The following SYNGR1 variants were observed in gnomAD, a reference collection of about 807,000 sequenced individuals.
SYNGR1 encodes the protein synaptogyrin 1, also known as synaptogyrin-1.
In SYNGR1, 14 loss-of-function variants were observed where a neutral mutation model predicts 26.1. That is an observed-to-expected ratio of 0.54 (90% CI 0.35 to 0.84). SYNGR1 has a LOEUF of 0.84. Among genes scored for constraint, SYNGR1 ranks in the 40% least tolerant of loss-of-function variants. SYNGR1 has a pLI of 0.01. For synonymous variants in SYNGR1, 141 were observed against 150.1 expected (o/e 0.94, Z 0.44); for missense variants, 319 against 332.9 (o/e 0.96, Z 0.33).
At chr22:39,370,373 A>G (rs1005924997) in intron 1 of SYNGR1, among the ~76,000 whole-genome samples, 19 of 151,348 alleles carry the variant, frequency 1.3e-4, no homozygotes, top group Admixed American at 1.1e-3. Context: ...CTCATGATCC[A>G]CCCGCCTCGG....
At position 39,376,104 on chromosome 22, in the gene SYNGR1, G is replaced by A. The variant is rs114560763; in HGVS notation, c.390G>A (p.Trp130Ter). The A allele has an allele frequency of 6.2e-7, 1 of 1,614,194 alleles. No homozygotes were observed. Among genetic ancestry groups the A allele is most frequent in the Non-Finnish European group, 8.5e-7 (1 of 1,180,040 alleles). The stretch of plus-strand genomic sequence containing the variant: ...GATTCTGCTACCTGGCCAACCAGTG[G>A]CAGGTCTCCAAGCCCAAGGACAACC... ...FVGFCYLANQ[W>*]QVSKPKDNPL... Residue 130 changes from tryptophan to a stop codon, truncating the protein, a stop_gained, in exon 3 of 4, where the codon TGG becomes TGA. Transcript: ENST00000328933. LOFTEE classifies it high-confidence loss of function.
intron 3 of SYNGR1, chr22:39,377,712 C>G: frequency 6.2e-7 from 1 of 1,611,022 alleles, no homozygotes; most frequent in Non-Finnish European, 8.5e-7. Context: ...TTGCAGAGGC[C>G]GGCAGCCCTG....
chr22:39,354,915 C>A (rs1045933225), intron 1 of SYNGR1, among the ~76,000 whole-genome samples: 4 of 151,960 alleles, frequency 2.6e-5, no homozygotes, highest in African/African-American at 9.7e-5. Flanking sequence ...CCTCCCCCAA[C>A]CAACTTGCCA....
chr22:39,376,675 G>C (rs79262580), intron 3 of SYNGR1, among the ~76,000 whole-genome samples: 1 of 152,160 alleles, frequency 6.6e-6, no homozygotes, highest in East Asian at 1.9e-4. Context: ...TAGGATCTGG[G>C]GGACACAGGT....
At chr22:39,358,788 C>T (rs1371281117) in intron 1 of SYNGR1, among the ~76,000 whole-genome samples, 1 of 152,154 alleles carries the variant, frequency 6.6e-6, no homozygotes, top group Non-Finnish European at 1.5e-5. Context: ...CAATTCCGGA[C>T]ACAAGAGCAG....
chr22:39,376,354 G>C (rs1925284105), intron 3 of SYNGR1, 157 bp downstream of exon 3: 3 of 1,298,850 alleles, frequency 2.3e-6, no homozygotes, highest in Admixed American at 3.6e-5. Context: ...CGCTCACAGT[G>C]GTGCTGCCTC....
chr22:39,356,387 T>C (rs117998464), intron 1 of SYNGR1, among the ~76,000 whole-genome samples: 2 of 152,292 alleles, frequency 1.3e-5, no homozygotes, highest in East Asian at 1.9e-4. Context: ...GCCGTAAGTC[T>C]GCTGTGGTGC....
rs1601671330 is a variant in SYNGR1, at chr22:39,384,771, G to A, written c.*2857G>A. On this transcript the variant is annotated 3_prime_UTR_variant, in exon 4 of 4. Transcript: ENST00000328933. The stretch of plus-strand genomic sequence containing the variant: ...CTCCTCCCCATCAAGCACAAGAGAG[G>A]GCCCAGGAAAAAAGGTTTCACATAA... 5.0e-6 allele frequency: 2 copies of A among 398,982 alleles called. No individual in the cohort carries two copies. Among genetic ancestry groups the A allele is most frequent in the Admixed American group, 4.4e-5 (1 of 22,706 alleles). The allele number at this position is 398,982 out of a possible 1,614,324, so 24.7% of individuals were successfully genotyped here.
chr22:39,379,861 C>T (rs1262065614), intron 3 of SYNGR1: 1 of 152,224 alleles, frequency 6.6e-6, no homozygotes, highest in Non-Finnish European at 1.5e-5. Context: ...AGCAGTAACT[C>T]TGCCACGGGC....
intron 1 of SYNGR1, among the ~76,000 whole-genome samples, chr22:39,360,440 A>T (rs1490625323): frequency 6.6e-6 from 1 of 152,098 alleles, no homozygotes; most frequent in Non-Finnish European, 1.5e-5. Flanking sequence ...CCATCTTCTC[A>T]GGCTCATTCC....
At chr22:39,376,338 C>T (rs1339818497) in intron 3 of SYNGR1, 141 bp downstream of exon 3, 11 of 1,406,810 alleles carry the variant, frequency 7.8e-6, no homozygotes, top group East Asian at 4.7e-5. Flanking sequence ...GCCTGCCTGT[C>T]TGCGGCGCTC....
intron 1 of SYNGR1, among the ~76,000 whole-genome samples, chr22:39,369,394 G>A (rs535679379): frequency 5.3e-5 from 8 of 152,234 alleles, no homozygotes; most frequent in African/African-American, 1.7e-4. Context: ...CTTCACAGGC[G>A]CTCCCCACTG....
intron 1 of SYNGR1, among the ~76,000 whole-genome samples, chr22:39,355,794 G>C (rs1403968291): frequency 1.3e-5 from 2 of 152,168 alleles, no homozygotes; most frequent in Non-Finnish European, 2.9e-5. Flanking sequence ...GAGGCAGGTG[G>C]ATCACCTGAG....
chr22:39,359,338 C>T (rs1924346036), intron 1 of SYNGR1, among the ~76,000 whole-genome samples: 1 of 152,060 alleles, frequency 6.6e-6, no homozygotes. Context: ...GATGCCCCCC[C>T]AGGCCGGGCA....
At chr22:39,376,737 C>T (rs555387292) in intron 3 of SYNGR1, among the ~76,000 whole-genome samples, 3 of 152,066 alleles carry the variant, frequency 2.0e-5, no homozygotes, top group East Asian at 3.9e-4. Context: ...CGTGAGCAGG[C>T]CGGGTGACAC....
intron 1 of SYNGR1, among the ~76,000 whole-genome samples, chr22:39,365,988 CTTTTTT>C (rs777416803): frequency 0.018 from 1,196 of 68,332 alleles, 11 homozygotes; most frequent in African/African-American, 0.047. Flanking sequence ...TCAGCCCCTT[CTTTTTT>C]TTTTTTTTTT....
chr22:39,372,748 C>A (rs1343723055), intron 1 of SYNGR1, among the ~76,000 whole-genome samples: 1 of 152,040 alleles, frequency 6.6e-6, no homozygotes, highest in Non-Finnish European at 1.5e-5. Flanking sequence ...GGATTACAGG[C>A]GTGAGCCACT....
At position 39,385,134 on chromosome 22, in the gene SYNGR1, A is replaced by G. The variant is rs1164618382; in HGVS notation, c.*3220A>G. The stretch of plus-strand genomic sequence containing the variant: ...GGGAGACCCCTAACCTTGGCCCAAG[A>G]CCCCTTTGATTCTCTAAGGAGCACG... On this transcript the variant is annotated 3_prime_UTR_variant, in exon 4 of 4. Coordinates refer to ENST00000328933, the MANE Select transcript of SYNGR1 (RefSeq NM_004711.5). 7.6e-6 allele frequency: 3 copies of G among 397,246 alleles called. No homozygotes were observed. Among genetic ancestry groups the G allele is most frequent in the African/African-American group, 6.2e-5 (3 of 48,544 alleles). 24.6% of individuals were successfully genotyped at this position (397,246 alleles called of 1,614,324 possible).
At chr22:39,354,805 C>G (rs1309020875) in intron 1 of SYNGR1, among the ~76,000 whole-genome samples, 2 of 151,596 alleles carry the variant, frequency 1.3e-5, no homozygotes, top group Non-Finnish European at 2.9e-5. Context: ...CACCACTGCA[C>G]TCCAGCCTGG....
Sources: gnomAD v4.1 joint callset for allele counts (sites outside exome capture counted in the v4.1 genomes callset) on GRCh38, gnomAD v4.1.1 for gene constraint, MANE v1.5 for transcripts, NCBI Gene and HGNC (gene_info 2026-07-23, HGNC 2026-07-21) for gene names.